The following HS3ST5 variants were observed in gnomAD, a reference collection of about 807,000 sequenced individuals.
HS3ST5 encodes the protein heparan sulfate glucosamine 3-O-sulfotransferase 5.
In HS3ST5, 10 loss-of-function variants were observed where a neutral mutation model predicts 25.4. That is an observed-to-expected ratio of 0.39 (90% confidence interval 0.24 to 0.67). The LOEUF is 0.67. HS3ST5 is among the 30% of genes least tolerant of loss of function. The probability of loss-of-function intolerance (pLI) is 0.44; values close to 1 mark genes in which losing one functional copy is unlikely to be tolerated. For missense variants in HS3ST5, 324 were observed against 420.7 expected, an observed-to-expected ratio of 0.77 and a Z score of 2.01; for synonymous variants, 170 against 162.4, an observed-to-expected ratio of 1.05 and a Z score of -0.36.
intron 2 of HS3ST5, among the ~76,000 whole-genome samples, chr6:114,189,899 T>C (rs1025151818): frequency 1.6e-4 from 25 of 152,220 alleles, no homozygotes; most frequent in Non-Finnish European, 1.9e-4. Flanking sequence ...CTGGCTGGGC[T>C]GTTTCCTTAG....
At chr6:114,132,215 A>C (rs1208949939) in intron 3 of HS3ST5, 2 of 152,220 alleles carry the variant, frequency 1.3e-5, no homozygotes, top group Admixed American at 1.3e-4. Flanking sequence ...GTACACTTGC[A>C]TGATTTTATG....
rs115110773 is a variant in HS3ST5, at chr6:114,189,305, G to A, written c.-144-20843C>T. ...AATCTGAATTTTTGCTCTAGAATTCGTTAAGATTTTTCTTTGTCCTCAGTG... is the reference window on the plus strand; with the variant it reads ...AATCTGAATTTTTGCTCTAGAATTCATTAAGATTTTTCTTTGTCCTCAGTG... On this transcript the variant is annotated intron_variant, in intron 2 of 4. Transcript: ENST00000312719. 3.7e-3 allele frequency among the ~76,000 whole-genome samples: 561 copies of A among 151,802 alleles called. 2 individuals are homozygous for A. Among genetic ancestry groups the A allele is most frequent in the African/African-American group, 0.013 (542 of 41,392 alleles).
intron 1 of HS3ST5, among the ~76,000 whole-genome samples, chr6:114,256,205 A>G (rs368090303): frequency 5.3e-5 from 8 of 152,138 alleles, no homozygotes; most frequent in East Asian, 3.9e-4. Context: ...TGGCTAACAC[A>G]GTGAAACCTC....
At chr6:114,116,025 T>C (rs552053887) in intron 3 of HS3ST5, 2 of 152,126 alleles carry the variant, frequency 1.3e-5, no homozygotes, top group African/African-American at 2.4e-5. Flanking sequence ...TTTTTTGCTC[T>C]ATTCTCCAAA....
chr6:114,081,979 A>C (rs184697824), intron 3 of HS3ST5, among the ~76,000 whole-genome samples: 14 of 152,176 alleles, frequency 9.2e-5, no homozygotes, highest in Non-Finnish European at 1.3e-4. Context: ...ATCATCCCCC[A>C]AAAAAACACT....
At chr6:114,253,618 C>T (rs937704322) in intron 1 of HS3ST5, among the ~76,000 whole-genome samples, 2 of 152,188 alleles carry the variant, frequency 1.3e-5, no homozygotes, top group Non-Finnish European at 2.9e-5. Flanking sequence ...CTTGCCTCAA[C>T]TTGTACACTA....
chr6:114,306,390 C>T (rs1018088227), intron 1 of HS3ST5, among the ~76,000 whole-genome samples: 1 of 150,002 alleles, frequency 6.7e-6, no homozygotes, highest in Non-Finnish European at 1.5e-5. Context: ...TAAATTATTA[C>T]ATATATATAA....
At chr6:114,237,187 T>TGG (rs1771897541) in intron 1 of HS3ST5, among the ~76,000 whole-genome samples, 1 of 152,236 alleles carries the variant, frequency 6.6e-6, no homozygotes, top group African/African-American at 2.4e-5. Context: ...ATCCATGTGT[T>TGG]AATTTATGCT....
At chr6:114,201,965 C>T (rs1781034999) in intron 2 of HS3ST5, among the ~76,000 whole-genome samples, 1 of 151,906 alleles carries the variant, frequency 6.6e-6, no homozygotes, top group African/African-American at 2.4e-5. Flanking sequence ...GGCAGCTGCC[C>T]CCATGATTCA....
chr6:114,080,827 G>T (rs1320171719), intron 3 of HS3ST5, among the ~76,000 whole-genome samples: 2 of 152,100 alleles, frequency 1.3e-5, no homozygotes, highest in Non-Finnish European at 1.5e-5. Context: ...TAACTATTGG[G>T]TATTATGGTC....
intron 3 of HS3ST5, among the ~76,000 whole-genome samples, chr6:114,086,998 C>G (rs1774874533): frequency 6.6e-6 from 1 of 152,298 alleles, no homozygotes; most frequent in Admixed American, 6.5e-5. Context: ...ACATAACTCT[C>G]ACAGAAGCTG....
At chr6:114,078,193 A>G (rs923941442) in intron 3 of HS3ST5, among the ~76,000 whole-genome samples, 1 of 152,052 alleles carries the variant, frequency 6.6e-6, no homozygotes, top group Non-Finnish European at 1.5e-5. Context: ...ACATAAACAT[A>G]CAGTTTTCTT....
intron 3 of HS3ST5, among the ~76,000 whole-genome samples, chr6:114,077,942 A>G (rs1680002946): frequency 6.6e-6 from 1 of 152,128 alleles, no homozygotes; most frequent in African/African-American, 2.4e-5. Context: ...TTTAATTTCC[A>G]TAACACTATG....
At chr6:114,318,029 G>A (rs948760439) in intron 1 of HS3ST5, among the ~76,000 whole-genome samples, 3 of 151,994 alleles carry the variant, frequency 2.0e-5, no homozygotes, top group African/African-American at 7.3e-5. Context: ...TAGCTCTTAC[G>A]CATACAACTG....
intron 3 of HS3ST5, among the ~76,000 whole-genome samples, chr6:114,166,083 C>A (rs2114993416): frequency 6.6e-6 from 1 of 151,454 alleles, no homozygotes; most frequent in African/African-American, 2.4e-5. Context: ...GTTAAGTGTT[C>A]AAAACTGCTC....
intron 1 of HS3ST5, among the ~76,000 whole-genome samples, chr6:114,290,409 T>G (rs961578141): frequency 1.3e-5 from 2 of 152,144 alleles, no homozygotes; most frequent in African/African-American, 4.8e-5. Flanking sequence ...TCTTTAAAGA[T>G]GTCATGGTAC....
intron 3 of HS3ST5, among the ~76,000 whole-genome samples, chr6:114,158,298 T>G (rs1332368441): frequency 6.6e-6 from 1 of 152,224 alleles, no homozygotes; most frequent in African/African-American, 2.4e-5. Context: ...AGATTCTAGT[T>G]GATTATATAA....
At chr6:114,110,539 A>G (rs1203396029) in intron 3 of HS3ST5, among the ~76,000 whole-genome samples, 1 of 152,200 alleles carries the variant, frequency 6.6e-6, no homozygotes, top group East Asian at 1.9e-4. Context: ...AGTAGAGGCC[A>G]TTTGCTTTGG....
intron 3 of HS3ST5, among the ~76,000 whole-genome samples, chr6:114,157,654 T>C (rs1452426494): frequency 6.6e-6 from 1 of 152,194 alleles, no homozygotes; most frequent in African/African-American, 2.4e-5. Flanking sequence ...TCACAATGTA[T>C]ACATATATCA....
Sources: gnomAD v4.1 joint callset for allele counts (sites outside exome capture counted in the v4.1 genomes callset) on GRCh38, gnomAD v4.1.1 for gene constraint, MANE v1.5 for transcripts, NCBI Gene and HGNC (gene_info 2026-07-23, HGNC 2026-07-21) for gene names.